The following GTF2IRD1 variants were observed in gnomAD, a reference collection of about 807,000 sequenced individuals.
The protein encoded by GTF2IRD1 is GTF2I repeat domain containing 1.
A neutral mutation model predicts 113.2 loss-of-function variants in GTF2IRD1; 26 were observed. The observed-to-expected ratio is 0.23, with a 90% CI of 0.17 to 0.32. GTF2IRD1 has a LOEUF of 0.32. GTF2IRD1 is among the 10% of genes least tolerant of loss of function. The pLI is 1.00. For missense variants in GTF2IRD1, 864 were observed against 1,280.8 expected (o/e 0.67, Z 4.97); for synonymous variants, 484 against 529.1 (o/e 0.91, Z 1.17).
At chr7:74,535,213 T>C in intron 10 of GTF2IRD1, 75 bp downstream of exon 10, 1 of 1,195,816 alleles carries the variant, frequency 8.4e-7, no homozygotes, top group South Asian at 1.2e-5. Flanking sequence ...GCCACCACCC[T>C]GGACTTGGTC....
intron 1 of GTF2IRD1, among the ~76,000 whole-genome samples, chr7:74,482,386 C>T (rs1207505353): frequency 6.6e-6 from 1 of 151,728 alleles, no homozygotes. Context: ...TGCCACCACA[C>T]ATGGCTAAAT....
chr7:74,522,477 A>C (rs782133353), intron 7 of GTF2IRD1, among the ~76,000 whole-genome samples: 3 of 152,120 alleles, frequency 2.0e-5, no homozygotes, highest in Non-Finnish European at 4.4e-5. Flanking sequence ...AGGTGGGAGG[A>C]TGGCTTGAGG....
intron 1 of GTF2IRD1, among the ~76,000 whole-genome samples, chr7:74,496,492 T>TGG (rs1562802640): frequency 2.3e-5 from 3 of 132,780 alleles, no homozygotes; most frequent in African/African-American, 1.0e-4. Context: ...CGTATGTGTG[T>TGG]GTGTGTGTGT....
At chr7:74,583,472 G>A (rs1227557030) in intron 22 of GTF2IRD1, among the ~76,000 whole-genome samples, 6 of 149,270 alleles carry the variant, frequency 4.0e-5, no homozygotes, top group African/African-American at 9.9e-5. Flanking sequence ...GATTACAGGC[G>A]TGAGCCACTA....
At chr7:74,472,464 T>G (rs1453001268) in intron 1 of GTF2IRD1, among the ~76,000 whole-genome samples, 2 of 152,138 alleles carry the variant, frequency 1.3e-5, no homozygotes, top group Non-Finnish European at 2.9e-5. Flanking sequence ...AAACCACATC[T>G]GGCCGGGCAC....
chr7:74,516,141 C>T (rs587670963), intron 4 of GTF2IRD1, among the ~76,000 whole-genome samples: 2 of 152,338 alleles, frequency 1.3e-5, no homozygotes, highest in South Asian at 2.1e-4. Context: ...CCCTGGACTT[C>T]GCGCTGTTAC....
At chr7:74,466,695 C>G (rs1218700361) in intron 1 of GTF2IRD1, among the ~76,000 whole-genome samples, 1 of 152,072 alleles carries the variant, frequency 6.6e-6, no homozygotes, top group Non-Finnish European at 1.5e-5. Flanking sequence ...CGTTAGGTGC[C>G]TCTTGTCTGT....
At chr7:74,473,692 A>G (rs899369810) in intron 1 of GTF2IRD1, among the ~76,000 whole-genome samples, 4 of 151,694 alleles carry the variant, frequency 2.6e-5, no homozygotes, top group Admixed American at 1.3e-4. Context: ...AACCTCCTGG[A>G]GTCTGGGGTC....
chr7:74,470,910 TCTC>T (rs1218132830), intron 1 of GTF2IRD1, among the ~76,000 whole-genome samples: 2 of 152,140 alleles, frequency 1.3e-5, no homozygotes, highest in East Asian at 1.9e-4. Flanking sequence ...TTCAAGCAAT[TCTC>T]CTGCTTCAGC....
At chr7:74,549,802 G>A (rs1158242926) in intron 17 of GTF2IRD1, among the ~76,000 whole-genome samples, 5 of 152,070 alleles carry the variant, frequency 3.3e-5, no homozygotes, top group Middle Eastern at 3.2e-3. Context: ...TTGAAAGGCC[G>A]AGTTAGGCAG....
intron 17 of GTF2IRD1, among the ~76,000 whole-genome samples, chr7:74,550,242 C>T (rs1307346812): frequency 6.8e-6 from 1 of 146,498 alleles, no homozygotes. Context: ...TAAGGATAAA[C>T]TCATGATAGA....
Position 74,555,360 on chromosome 7 carries a change from G to T in GTF2IRD1, c.1967-78G>T. On this transcript the variant is annotated intron_variant, in intron 18 of 26. Coordinates refer to ENST00000424337, the MANE Select transcript of GTF2IRD1 (RefSeq NM_005685.4). The surrounding 1 kb of genome is among the most constrained non-coding windows in gnomAD (Gnocchi z 5.3). ...GCATTCTCCCCACACCCCCACATTGGGTTTCCCCTAACGATGCCATCTTGG... is the reference window on the plus strand; with the variant it reads ...GCATTCTCCCCACACCCCCACATTGTGTTTCCCCTAACGATGCCATCTTGG... 6.6e-7 allele frequency: 1 copy of T among 1,522,708 alleles called. No homozygotes were observed. The highest frequency in any genetic ancestry group is 1.7e-5 in the Admixed American group (1 of 59,758). The allele number at this position is 1,522,708 out of a possible 1,614,324, so 94.3% of individuals were successfully genotyped here.
At chr7:74,577,379 TTC>T (rs1344179031) in intron 22 of GTF2IRD1, among the ~76,000 whole-genome samples, 1 of 152,202 alleles carries the variant, frequency 6.6e-6, no homozygotes. Flanking sequence ...TTTCCCTGCT[TTC>T]TCTCTCACAC....
chr7:74,530,804 G>A (rs928899959), intron 9 of GTF2IRD1, among the ~76,000 whole-genome samples: 1 of 152,014 alleles, frequency 6.6e-6, no homozygotes, highest in African/African-American at 2.4e-5. Context: ...AGACATTTCC[G>A]ACCTGGGCGT....
intron 22 of GTF2IRD1, among the ~76,000 whole-genome samples, chr7:74,583,847 TACTC>T (rs1472422219): frequency 1.3e-5 from 2 of 152,074 alleles, no homozygotes; most frequent in African/African-American, 2.4e-5. Flanking sequence ...CCTTGTGTCT[TACTC>T]ACCGCTCACA....
At chr7:74,553,146 G>T (rs587668908) in intron 17 of GTF2IRD1, among the ~76,000 whole-genome samples, 1 of 147,478 alleles carries the variant, frequency 6.8e-6, no homozygotes, top group African/African-American at 2.5e-5. Context: ...CCTTTTGTGG[G>T]TTTTTTTTGA....
chr7:74,481,904 G>T (rs2267837), intron 1 of GTF2IRD1, among the ~76,000 whole-genome samples: 5,654 of 152,278 alleles, frequency 0.037, 309 homozygotes, highest in East Asian at 0.29. Context: ...TGGCTGGGAG[G>T]ACTGTGTGCA....
At chr7:74,458,549 G>A (rs1019922362) in intron 1 of GTF2IRD1, among the ~76,000 whole-genome samples, 1 of 152,118 alleles carries the variant, frequency 6.6e-6, no homozygotes, top group African/African-American at 2.4e-5. Context: ...TTCTCAGTCA[G>A]GTATCTCCAG....
At chr7:74,458,340 G>A (rs1217666277) in intron 1 of GTF2IRD1, among the ~76,000 whole-genome samples, 2 of 152,144 alleles carry the variant, frequency 1.3e-5, no homozygotes, top group African/African-American at 4.8e-5. Flanking sequence ...CCAGAAGACA[G>A]TGTGTTGTGA....
Sources: allele counts gnomAD v4.1 joint callset (sites outside exome capture counted in the v4.1 genomes callset), GRCh38; gene constraint gnomAD v4.1.1; non-coding constraint Gnocchi (gnomAD v3.1); transcripts MANE v1.5; gene names NCBI Gene and HGNC (gene_info 2026-07-23, HGNC 2026-07-21).